The following CREB5 variants were observed in gnomAD, a reference collection of about 807,000 sequenced individuals.
The protein encoded by CREB5 is cyclic AMP-responsive element-binding protein 5.
A neutral mutation model predicts 57.1 loss-of-function variants in CREB5; 19 were observed. The ratio of observed to expected loss-of-function variants is 0.33; its 90% CI spans 0.23 to 0.49. The LOEUF (loss-of-function observed/expected upper bound fraction) is 0.49. Ranked by LOEUF, CREB5 falls within the 20% of genes least tolerant of loss-of-function variation. The pLI, the probability that CREB5 is intolerant of heterozygous loss-of-function variation, is 0.99. For missense variants in CREB5, 579 were observed against 671.6 expected, an observed-to-expected ratio of 0.86 and a Z score of 1.52; for synonymous variants, 238 against 238.3, an observed-to-expected ratio of 1.00 and a Z score of 0.01.
chr7:28,703,029 G>A (rs76973907), intron 5 of CREB5, among the ~76,000 whole-genome samples: 3,492 of 152,200 alleles, frequency 0.023, 139 homozygotes, highest in African/African-American at 0.078. Flanking sequence ...GCATCAATGA[G>A]GTAGAACATA....
chr7:28,560,815 TGTGTGTGCGCGCGCGC>T (rs1795071756), intron 4 of CREB5, among the ~76,000 whole-genome samples: 1 of 136,772 alleles, frequency 7.3e-6, no homozygotes, highest in Non-Finnish European at 1.6e-5. Flanking sequence ...TGCGCGTGTG[TGTGTGTGCGCGCGCGC>T]GCGTGTGTGT....
chr7:28,424,756 A>T (rs1025606499), intron 1 of CREB5, among the ~76,000 whole-genome samples: 1 of 152,220 alleles, frequency 6.6e-6, no homozygotes, highest in African/African-American at 2.4e-5. Flanking sequence ...ACATTTACTG[A>T]CAAGGACAAA....
At chr7:28,314,748 T>C (rs1049660786) in intron 1 of CREB5, among the ~76,000 whole-genome samples, 3 of 152,176 alleles carry the variant, frequency 2.0e-5, no homozygotes, top group African/African-American at 7.2e-5. Flanking sequence ...AGTGTCTCTT[T>C]ACTGAGACGC....
intron 5 of CREB5, among the ~76,000 whole-genome samples, chr7:28,643,752 G>GT (rs1554279437): frequency 0.021 from 393 of 18,296 alleles, 6 homozygotes; most frequent in Admixed American, 0.16. Context: ...TTTGGGAGGT[G>GT]GGGGGGGGCG....
chr7:28,682,291 CCAGGTCACCTA>C (rs1800634790), intron 5 of CREB5, among the ~76,000 whole-genome samples: 1 of 152,192 alleles, frequency 6.6e-6, no homozygotes, highest in South Asian at 2.1e-4. Flanking sequence ...GCATGCTGCA[CCAGGTCACCTA>C]GGCGGCCCCT....
intron 1 of CREB5, among the ~76,000 whole-genome samples, chr7:28,398,137 A>C (rs1787376425): frequency 6.6e-6 from 1 of 152,106 alleles, no homozygotes; most frequent in Non-Finnish European, 1.5e-5. Flanking sequence ...ATTTGAACTC[A>C]TGAAACCTGA....
chr7:28,780,735 G>A (rs1806926266), intron 7 of CREB5, among the ~76,000 whole-genome samples: 1 of 152,008 alleles, frequency 6.6e-6, no homozygotes. Context: ...TAGATTCCCT[G>A]TACTATGAGT....
At chr7:28,515,139 A>G (rs1792889976) in intron 4 of CREB5, among the ~76,000 whole-genome samples, 1 of 152,194 alleles carries the variant, frequency 6.6e-6, no homozygotes. Flanking sequence ...ACTATTAATG[A>G]TAATTTGATT....
chr7:28,668,426 TATATG>T (rs1799908975), intron 5 of CREB5, among the ~76,000 whole-genome samples: 1 of 152,208 alleles, frequency 6.6e-6, no homozygotes, highest in South Asian at 2.1e-4. Context: ...TTACTTTTAT[TATATG>T]TTTGTAACTA....
chr7:28,564,215 A>C (rs1027447502), intron 4 of CREB5, among the ~76,000 whole-genome samples: 3 of 152,188 alleles, frequency 2.0e-5, no homozygotes, highest in Admixed American at 1.3e-4. Flanking sequence ...ACAACTCGTA[A>C]ATGCGAGTTA....
chr7:28,509,560 C>T (rs548204076), intron 4 of CREB5, among the ~76,000 whole-genome samples: 1 of 152,308 alleles, frequency 6.6e-6, no homozygotes, highest in East Asian at 1.9e-4. Flanking sequence ...CCTCCCTAGA[C>T]CAGACTTTCA....
At chr7:28,657,414 T>A (rs955329771) in intron 5 of CREB5, among the ~76,000 whole-genome samples, 2 of 152,116 alleles carry the variant, frequency 1.3e-5, no homozygotes, top group African/African-American at 4.8e-5. Context: ...CCCACCACCA[T>A]ATCCCCTTGG....
At chr7:28,600,641 A>G (rs1041822062) in intron 5 of CREB5, among the ~76,000 whole-genome samples, 1 of 152,196 alleles carries the variant, frequency 6.6e-6, no homozygotes, top group African/African-American at 2.4e-5. Flanking sequence ...GGAGTGAGGC[A>G]AAAGCAACAT....
intron 1 of CREB5, among the ~76,000 whole-genome samples, chr7:28,330,960 C>A (rs77492669): frequency 0.02 from 3,044 of 152,178 alleles, 93 homozygotes; most frequent in African/African-American, 0.07. Flanking sequence ...TGCTTGCAAA[C>A]TTCCAAGGAC....
chr7:28,718,200 G>A (rs537239340), intron 5 of CREB5, among the ~76,000 whole-genome samples: 4 of 152,304 alleles, frequency 2.6e-5, no homozygotes, highest in South Asian at 2.1e-4. Context: ...ACCAGGATCC[G>A]GCTTCTTTGG....
At chr7:28,771,316 T>C (rs1013707601) in intron 7 of CREB5, among the ~76,000 whole-genome samples, 1 of 152,164 alleles carries the variant, frequency 6.6e-6, no homozygotes, top group African/African-American at 2.4e-5. Context: ...TCAAGACTTT[T>C]CAATGAAAAA....
At chr7:28,775,700 A>T (rs4722847) in intron 7 of CREB5, among the ~76,000 whole-genome samples, 99,339 of 151,336 alleles carry the variant, frequency 0.66, 33,054 homozygotes, top group East Asian at 0.76. Context: ...TCATTTCCAT[A>T]GCTGTAGAAT....
chr7:28,443,755 C>T (rs1245425362), intron 1 of CREB5, among the ~76,000 whole-genome samples: 1 of 152,184 alleles, frequency 6.6e-6, no homozygotes, highest in African/African-American at 2.4e-5. Context: ...TCTTGCCTCC[C>T]CACCTTATGG....
chr7:28,683,693 G>C (rs1235536402), intron 5 of CREB5, among the ~76,000 whole-genome samples: 21 of 152,158 alleles, frequency 1.4e-4, no homozygotes, highest in Admixed American at 1.2e-3. Context: ...TCCGTGCCCG[G>C]CATTGGCTGA....
Sources: allele counts gnomAD v4.1 joint callset (sites outside exome capture counted in the v4.1 genomes callset), GRCh38; gene constraint gnomAD v4.1.1; transcripts MANE v1.5; gene names NCBI Gene and HGNC (gene_info 2026-07-23, HGNC 2026-07-21).